The following ANO7 variants were observed in gnomAD, a reference collection of about 807,000 sequenced individuals.
The protein encoded by ANO7 is anoctamin 7.
ANO7 carries 114 observed loss-of-function variants against 115.8 expected under a neutral mutation model. That is an observed-to-expected ratio of 0.98 (90% CI 0.85 to 1.15). The LOEUF (loss-of-function observed/expected upper bound fraction) is 1.15, where lower values mean the gene tolerates loss of function less well. Ranked by LOEUF, ANO7 falls within the 50% of genes most tolerant of loss-of-function variation. The pLI is 0.00. For missense variants in ANO7, 1,302 were observed against 1,201.2 expected (o/e 1.08, Z -1.24); for synonymous variants, 550 against 498.2 (o/e 1.10, Z -1.38).
chr2:241,207,261 G>C (rs1341294711), intron 10 of ANO7, among the ~76,000 whole-genome samples: 1 of 152,112 alleles, frequency 6.6e-6, no homozygotes, highest in Non-Finnish European at 1.5e-5. Context: ...AAGGCTGACA[G>C]ATGGGCAGGA....
At chr2:241,207,521 C>T in intron 10 of ANO7, 53 bp from the exon 11 acceptor site, 1 of 1,516,142 alleles carries the variant, frequency 6.6e-7, no homozygotes, top group Non-Finnish European at 9.1e-7. Context: ...CTGGGAGGAG[C>T]AAGCAGCCCC....
chr2:241,236,651 C>A, the ANO7 span: 1 of 1,614,132 alleles, frequency 6.2e-7, no homozygotes, highest in East Asian at 2.2e-5. Context: ...ACTTTTCTTT[C>A]CGGCCAGAGA....
intron 8 of ANO7, among the ~76,000 whole-genome samples, 180 bp downstream of exon 8, chr2:241,202,484 G>A (rs1428025306): frequency 3.3e-5 from 5 of 152,206 alleles, no homozygotes; most frequent in South Asian, 4.1e-4. Context: ...TGGCCTGTCC[G>A]GGGCCTCAGG....
Position 241,202,312 on chromosome 2 carries a change from C to T in ANO7, c.723+8C>T, listed in dbSNP as rs372355585. ...GCCTTCCCCCTGCATGACGTGAGCT[C>T]GGGGGCTGGGGGCTCCAGCCTGGGT... On this transcript the variant is annotated splice_region_variant and intron_variant, in intron 8 of 24. Coordinates refer to ENST00000674324, the MANE Select transcript of ANO7 (RefSeq NM_001370694.2). 1.9e-5 allele frequency: 30 copies of T among 1,610,068 alleles called. No individual in the cohort carries two copies. Among genetic ancestry groups the T allele is most frequent in the Admixed American group, 1.8e-4 (11 of 59,986 alleles).
rs1356899275 is a variant in ANO7 at position 241,216,133 on chromosome 2, A to G, written c.1867A>G (p.Lys623Glu). 4 of 1,613,022 alleles carry G rather than the reference A, an allele frequency of 2.5e-6. No homozygotes were observed. In the East Asian group the frequency reaches 6.7e-5, roughly 27 times the overall value. ...GWWQKFRLRS[K>E]KRKAGASAGA... ...GTGGCAGAAGTTCCGGCTTCGCTCC[A>G]AGAAGAGGAAGGCGGGAGCTTCTGC... Residue 623 changes from lysine (K) to glutamate (E), a missense_variant, in exon 19 of 25, where the codon AAG becomes GAG. Transcript: ENST00000674324.
chr2:241,190,658 C>T (rs905536400), intron 2 of ANO7, among the ~76,000 whole-genome samples: 6 of 152,224 alleles, frequency 3.9e-5, no homozygotes, highest in African/African-American at 1.4e-4. Flanking sequence ...CTGGGCCACA[C>T]GTCTGCCCCA....
intron 2 of ANO7, among the ~76,000 whole-genome samples, chr2:241,190,749 T>C (rs2068180865): frequency 6.6e-6 from 1 of 152,078 alleles, no homozygotes; most frequent in Non-Finnish European, 1.5e-5. Flanking sequence ...GCACAGGGCC[T>C]CTCACCTCAA....
the ANO7 span, chr2:241,235,576 T>C: frequency 6.2e-7 from 1 of 1,613,834 alleles, no homozygotes; most frequent in Non-Finnish European, 8.5e-7. Context: ...TCTACTTCAA[T>C]GGTGACAGGA....
chr2:241,223,630 G>T lies in ANO7; in HGVS notation c.2413-32G>T. On this transcript the variant is annotated intron_variant, in intron 22 of 24. Transcript: ENST00000674324. ...CCTGTGAAGGCCACTCTGGGCGTTT[G>T]GGTGGGCGTGAGTGCCTTCCTCTGC... 1.9e-6 allele frequency: 3 copies of T among 1,605,852 alleles called. No homozygotes were observed. In the East Asian group the frequency reaches 6.8e-5, roughly 36 times the overall value.
At position 241,218,317 on chromosome 2, in the gene ANO7, TTCC is replaced by T. The variant is rs762426603; in HGVS notation, c.2260_2262del (p.Leu754del). ...GACCCGCGCCCACGACCTGCGCGGC[TTCC>T]TCAACTTCACGCTGGCGCGAGCCCC... On this transcript the variant is annotated inframe_deletion, in exon 21 of 25. Transcript: ENST00000674324. 23 of 1,525,440 alleles carry T rather than the reference TTCC, an allele frequency of 1.5e-5. No individual in the cohort carries two copies. Among genetic ancestry groups the T allele is most frequent in the East Asian group, 2.7e-5 (1 of 36,766 alleles). The allele number at this position is 1,525,440 out of a possible 1,614,324, so 94.5% of individuals were successfully genotyped here. A position where few individuals can be genotyped will look rare whatever the true frequency, so the allele number is the denominator to read the frequency against.
chr2:241,214,386 G>A (rs768185886), intron 17 of ANO7, among the ~76,000 whole-genome samples: 23 of 152,188 alleles, frequency 1.5e-4, no homozygotes, highest in Admixed American at 2.6e-4. Context: ...CAGTGCGGCC[G>A]ACACTCTCGG....
rs749589834 is a variant in ANO7, at chr2:241,212,606, T to G, written c.1708T>G (p.Phe570Val). 6.2e-7 allele frequency: 1 copy of G among 1,613,406 alleles called. No individual in the cohort carries two copies. Among genetic ancestry groups the G allele is most frequent in the Admixed American group, 1.7e-5 (1 of 59,936 alleles). Residue 570 changes from phenylalanine to valine, a missense_variant, in exon 17 of 25, where the codon TTT becomes GTT. By Grantham distance (50) the Phe-to-Val change is conservative (BLOSUM62 -1). Transcript: ENST00000674324. ...ATACCCAGGCAACTACCACACCTTG[T>G]TTGGAGTCCGCAATGAGGAGGTGAG... ...VGYPGNYHTL[F>V]GVRNEECAAG...
At chr2:241,191,338 G>T (rs1437395519) in intron 3 of ANO7, 87 bp downstream of exon 3, 2 of 1,542,802 alleles carry the variant, frequency 1.3e-6, no homozygotes, top group Non-Finnish European at 8.9e-7. Context: ...CAGCAGGCTG[G>T]GGTAGCCTCC....
intron 3 of ANO7, among the ~76,000 whole-genome samples, chr2:241,193,151 C>A (rs919949073): frequency 2.6e-4 from 40 of 152,100 alleles, no homozygotes; most frequent in Non-Finnish European, 4.9e-4. Flanking sequence ...CGGCTCACTG[C>A]AACCTCTGCC....
downstream of ANO7, chr2:241,229,578 G>A: frequency 6.3e-7 from 1 of 1,578,228 alleles, no homozygotes; most frequent in Non-Finnish European, 8.7e-7. Flanking sequence ...GCAGGCTGGA[G>A]AGGGTTCTGT....
rs2069111753 is a variant in ANO7, at chr2:241,224,530, T to G, written c.*377T>G. 3.8e-6 allele frequency: 1 copy of G among 260,948 alleles called. No individual in the cohort carries two copies. Among genetic ancestry groups the G allele is most frequent in the African/African-American group, 2.2e-5 (1 of 44,882 alleles). The allele number at this position is 260,948 out of a possible 1,614,324, so 16.2% of individuals were successfully genotyped here. The stretch of plus-strand genomic sequence containing the variant: ...CGCCCCTGGCCACATCGCCCTCTCC[T>G]CTTACACCTGGTGACCTTCGAATGT... On this transcript the variant is annotated 3_prime_UTR_variant, in exon 25 of 25. Coordinates refer to ENST00000674324, the MANE Select transcript of ANO7 (RefSeq NM_001370694.2).
chr2:241,233,872 C>A, the ANO7 span: 1 of 1,614,148 alleles, frequency 6.2e-7, no homozygotes, highest in Non-Finnish European at 8.5e-7. This position sits in a 1 kb window ranked among gnomAD's most constrained non-coding sequence, Gnocchi z 4.3. Context: ...ATGCTCCAAC[C>A]GGATTTGGGT....
At chr2:241,201,931 C>T (rs1017463811) in intron 7 of ANO7, among the ~76,000 whole-genome samples, 9 of 152,240 alleles carry the variant, frequency 5.9e-5, no homozygotes, top group South Asian at 2.1e-4. Flanking sequence ...GGTGCAGACT[C>T]GACTCCCACA....
intron 21 of ANO7, among the ~76,000 whole-genome samples, chr2:241,221,178 C>T (rs1574800287): frequency 2.0e-5 from 3 of 148,582 alleles, no homozygotes; most frequent in South Asian, 2.2e-4. Flanking sequence ...CGGGTTCAAG[C>T]GATTCTCCTG....
Sources: gnomAD v4.1 joint callset for allele counts (sites outside exome capture counted in the v4.1 genomes callset) on GRCh38, gnomAD v4.1.1 for gene constraint, Gnocchi (gnomAD v3.1) non-coding constraint, MANE v1.5 for transcripts, NCBI Gene and HGNC (gene_info 2026-07-23, HGNC 2026-07-21) for gene names.